PCF11: variants seen among roughly 807,000 people sequenced by gnomAD.
PCF11 encodes PCF11 cleavage and polyadenylation factor subunit.
A neutral mutation model predicts 166.1 loss-of-function variants in PCF11; 19 were observed. The ratio of observed to expected loss-of-function variants is 0.11; its 90% CI spans 0.08 to 0.17. The LOEUF (loss-of-function observed/expected upper bound fraction) is 0.17, where lower values mean the gene tolerates loss of function less well. Among genes scored for constraint, PCF11 ranks in the 10% least tolerant of loss-of-function variants. The pLI, the probability that PCF11 is intolerant of heterozygous loss-of-function variation, is 1.00. For missense variants in PCF11, 1,565 were observed against 1,855.5 expected, an observed-to-expected ratio of 0.84 and a Z score of 2.88; for synonymous variants, 663 against 644.1, an observed-to-expected ratio of 1.03 and a Z score of -0.44.
Position 83,167,211 on chromosome 11 carries a change from G to A in PCF11, c.1904G>A (p.Arg635Gln), listed in dbSNP as rs747631749. 2.5e-6 allele frequency: 4 copies of A among 1,613,590 alleles called. No homozygotes were observed. The highest frequency in any genetic ancestry group is 4.5e-5 in the East Asian group (2 of 44,858). ...AGCACTAAAGGAATTTTATCACCTCGAGCCCCAAAGCAGCAACAGCATCGA... is the reference window on the plus strand; with the variant it reads ...AGCACTAAAGGAATTTTATCACCTCAAGCCCCAAAGCAGCAACAGCATCGA... The change falls in exon 6 of 16, where the codon CGA (arginine) becomes CAA (glutamine). Residue 635 changes from arginine (R) to glutamine (Q), a missense_variant. Coordinates refer to ENST00000298281, the Ensembl canonical transcript of PCF11. The surrounding 1 kb of genome is among the most constrained non-coding windows in gnomAD (Gnocchi z 4.2).
rs201075718 is a variant in PCF11, at chr11:83,167,089, A to C, written c.1818-36A>C. 9,239 of 1,518,402 alleles carry C rather than the reference A, an allele frequency of 6.1e-3. 54 individuals carry two copies. Among genetic ancestry groups the C allele is most frequent in the Non-Finnish European group, 7.5e-3 (8,415 of 1,116,830 alleles). The allele number at this position is 1,518,402 out of a possible 1,614,324, so 94.1% of individuals were successfully genotyped here. A position where few individuals can be genotyped will look rare whatever the true frequency, so the allele number is the denominator to read the frequency against. On this transcript the variant is annotated intron_variant, in intron 5 of 15. Transcript: ENST00000298281. This position sits in a 1 kb window ranked among gnomAD's most constrained non-coding sequence, Gnocchi z 4.2. ...ATGGTCCTGAGTATTTTTTAAAAAA[A>C]CATTTCAATGTAACATACTGCTTTT...
intron 9 of PCF11, among the ~76,000 whole-genome samples, chr11:83,173,719 C>CTTTTTTTTTTTTTTTTTTTTT (rs869126679): frequency 3.4e-5 from 2 of 59,058 alleles, no homozygotes; most frequent in Non-Finnish European, 6.1e-5. Context: ...TTCTTTCTTT[C>CTTTTTTTTTTTTTTTTTTTTT]TTTTTTTTTT....
Position 83,177,069 on chromosome 11 carries a change from T to C in PCF11, c.3758-16T>C, listed in dbSNP as rs752927784. The C allele has an allele frequency of 1.3e-5, 19 of 1,449,392 alleles. No homozygotes were observed. The South Asian group carries it at 2.7e-4, about 21-fold the overall frequency. The allele number at this position is 1,449,392 out of a possible 1,614,324, so 89.8% of individuals were successfully genotyped here. A position where few individuals can be genotyped will look rare whatever the true frequency, so the allele number is the denominator to read the frequency against. ...TTCAAAAGTGGTTTTTTTTCTTTCT[T>C]TCTTTTTTTTGTTAGGAGCCCTCCC... On this transcript the variant is annotated splice_polypyrimidine_tract_variant and intron_variant, in intron 9 of 15. Coordinates refer to ENST00000298281, the Ensembl canonical transcript of PCF11.
Position 83,170,506 on chromosome 11 carries a change from G to C in PCF11, c.3660+511G>C, listed in dbSNP as rs1860650005. 2.6e-5 allele frequency among the ~76,000 whole-genome samples: 4 copies of C among 151,708 alleles called. No individual in the cohort carries two copies. The South Asian group carries it at 8.3e-4, about 31-fold the overall frequency. On this transcript the variant is annotated intron_variant, in intron 8 of 15. Coordinates refer to ENST00000298281, the Ensembl canonical transcript of PCF11. ...TTTTACCACCTTTCCAGTCACTTCA[G>C]TTAAACACAATTGTTTGATATTAAT... is the stretch of plus-strand genomic sequence containing the variant.
At chr11:83,184,550 C>A in intron 15 of PCF11, 129 bp from the exon 16 acceptor site, 1 of 639,216 alleles carries the variant, frequency 1.6e-6, no homozygotes, top group East Asian at 2.9e-5. Flanking sequence ...TGTTGGGAGG[C>A]AGGTGTTTCA....
intron 9 of PCF11, among the ~76,000 whole-genome samples, chr11:83,176,700 T>C (rs1204892991): frequency 7.4e-6 from 1 of 135,810 alleles, no homozygotes; most frequent in Non-Finnish European, 1.6e-5. Flanking sequence ...GTGGGGGGTC[T>C]GGGGGAGGGA....
Position 83,157,649 on chromosome 11 carries a change from A to T in PCF11, c.192+18A>T. On this transcript the variant is annotated intron_variant, in intron 1 of 15. Coordinates refer to ENST00000298281, the Ensembl canonical transcript of PCF11. ...CCGCCAAGGTTTTTATACACCCCGC[A>T]GCCTCCTATTACTTCTAATACTCCC... 1 of 1,609,004 alleles carries T rather than the reference A, an allele frequency of 6.2e-7. No individual in the cohort carries two copies.
intron 4 of PCF11, among the ~76,000 whole-genome samples, chr11:83,165,256 ACT>A (rs1382539015): frequency 2.0e-5 from 3 of 152,140 alleles, no homozygotes; most frequent in Non-Finnish European, 4.4e-5. Context: ...AGCTGAAATG[ACT>A]CTGATTCTTG....
intron 15 of PCF11, 131 bp from the exon 16 acceptor site, chr11:83,184,548 G>T: frequency 1.6e-6 from 1 of 640,124 alleles, no homozygotes. Context: ...TTTGTTGGGA[G>T]GCAGGTGTTT....
At chr11:83,172,831 G>C (rs1319198639) in intron 9 of PCF11, among the ~76,000 whole-genome samples, 4 of 152,168 alleles carry the variant, frequency 2.6e-5, no homozygotes, top group Admixed American at 2.6e-4. Context: ...CTGTAGTATT[G>C]AGTTAATCAG....
chr11:83,166,033 C>G, exon 5 of PCF11: 1 of 1,602,312 alleles, frequency 6.2e-7, no homozygotes, highest in Non-Finnish European at 8.5e-7. Context: ...AACAAATTAT[C>G]TCACACAAAA....
chr11:83,174,389 T>G (rs1053569512), intron 9 of PCF11, among the ~76,000 whole-genome samples: 5 of 149,762 alleles, frequency 3.3e-5, no homozygotes, highest in Admixed American at 3.3e-4. Flanking sequence ...TTTTAAAGTT[T>G]TTTTTTTTTT....
intron 9 of PCF11, 86 bp downstream of exon 9, chr11:83,172,000 C>A: frequency 4.1e-6 from 3 of 728,766 alleles, no homozygotes; most frequent in Non-Finnish European, 7.3e-6. Context: ...TAGGAAATGA[C>A]AGTTTTGCAA....
chr11:83,171,147 A>G (rs1860674601), intron 8 of PCF11: 4 of 337,768 alleles, frequency 1.2e-5, no homozygotes, highest in Non-Finnish European at 2.3e-5. Flanking sequence ...CAAATGCTGT[A>G]TTTGTATGCC....
intron 1 of PCF11, chr11:83,158,301 C>T (rs1368443183): frequency 6.6e-6 from 1 of 151,782 alleles, no homozygotes; most frequent in Non-Finnish European, 1.5e-5. Flanking sequence ...TCTAATTTGT[C>T]CCAAAATAGG....
intron 9 of PCF11, among the ~76,000 whole-genome samples, chr11:83,174,527 C>G (rs1860809431): frequency 6.6e-6 from 1 of 151,672 alleles, no homozygotes. Context: ...CCTCAAAGAG[C>G]TTTATAATAT....
exon 5 of PCF11, chr11:83,166,392 G>C: frequency 6.2e-7 from 1 of 1,613,948 alleles, no homozygotes; most frequent in Non-Finnish European, 8.5e-7. Flanking sequence ...AAAGAGAAGA[G>C]ATAGGCGGTC....
intron 8 of PCF11, among the ~76,000 whole-genome samples, chr11:83,170,567 G>T (rs1459808733): frequency 1.3e-5 from 2 of 151,984 alleles, no homozygotes; most frequent in African/African-American, 4.8e-5. Flanking sequence ...ATACACTCTG[G>T]TTACGAAACA....
At chr11:83,161,220 AG>A in intron 1 of PCF11, 106 bp from the exon 2 acceptor site, 1 of 787,210 alleles carries the variant, frequency 1.3e-6, no homozygotes, top group Non-Finnish European at 2.0e-6. Context: ...AAAAATATTT[AG>A]TATCAACAAA....
Sources: allele counts gnomAD v4.1 joint callset (sites outside exome capture counted in the v4.1 genomes callset), GRCh38; gene constraint gnomAD v4.1.1; non-coding constraint Gnocchi (gnomAD v3.1); transcripts MANE v1.5; gene names NCBI Gene and HGNC (gene_info 2026-07-23, HGNC 2026-07-21).